TNFRSF9: variants seen among roughly 807,000 people sequenced by gnomAD.
TNFRSF9 encodes tumor necrosis factor receptor superfamily member 9.
A neutral mutation model predicts 28.8 loss-of-function variants in TNFRSF9; 16 were observed. The ratio of observed to expected loss-of-function variants is 0.55; its 90% CI spans 0.38 to 0.84. TNFRSF9 has a LOEUF of 0.84. Among genes scored for constraint, TNFRSF9 ranks in the 40% least tolerant of loss-of-function variants. The probability of loss-of-function intolerance (pLI) is 0.00; values close to 1 mark genes in which losing one functional copy is unlikely to be tolerated. For synonymous variants in TNFRSF9, 131 were observed against 117.0 expected, an observed-to-expected ratio of 1.12 and a Z score of -0.77; for missense variants, 303 against 315.0, an observed-to-expected ratio of 0.96 and a Z score of 0.29.
chr1:7,917,937 G>A lies in TNFRSF9; in HGVS notation c.*2898C>T, dbSNP rs1261391967. 1.4e-5 allele frequency: 2 copies of A among 143,624 alleles called. No individual in the cohort carries two copies. The highest frequency in any genetic ancestry group is 3.0e-5 in the Non-Finnish European group (2 of 66,670). 8.9% of individuals were successfully genotyped at this position (143,624 alleles called of 1,614,324 possible). On this transcript the variant is annotated 3_prime_UTR_variant, in exon 8 of 8. Transcript: ENST00000377507. ...AATTTTATAAAAAATTTTAAAAAGGGAAAAATAAATTACAAAGGATATATA... is the reference window on the plus strand; with the variant it reads ...AATTTTATAAAAAATTTTAAAAAGGAAAAAATAAATTACAAAGGATATATA...
Position 7,933,221 on chromosome 1 carries a change from G to T in TNFRSF9, c.620C>A (p.Thr207Lys), listed in dbSNP as rs555723076. ...CCGTTTAACAACAGAGAAACGGAGC[G>T]TGAGGAAGAACAGCAGGAAGAGCAA... is the stretch of plus-strand genomic sequence containing the variant. ...TALLFLLFFL[T>K]LRFSVVKRGR... The change falls in exon 7 of 8, where the codon ACG (threonine) becomes AAG (lysine). Residue 207 changes from threonine to lysine, a missense_variant. Transcript: ENST00000377507. 6.2e-7 allele frequency: 1 copy of T among 1,613,974 alleles called. No individual in the cohort carries two copies. Among genetic ancestry groups the T allele is most frequent in the South Asian group, 1.1e-5 (1 of 91,078 alleles).
intron 7 of TNFRSF9, among the ~76,000 whole-genome samples, chr1:7,924,306 T>C (rs4010115): frequency 9.1e-5 from 2 of 21,934 alleles, no homozygotes; most frequent in African/African-American, 1.6e-4. Flanking sequence ...TATATATATA[T>C]ATATATATAT....
chr1:7,924,968 G>A (rs1440977585), intron 7 of TNFRSF9, among the ~76,000 whole-genome samples: 1 of 152,172 alleles, frequency 6.6e-6, no homozygotes, highest in Non-Finnish European at 1.5e-5. Context: ...ATGTGCTTGT[G>A]TTTTAAGCTA....
In TNFRSF9 at chr1:7,927,440, CT is replaced by C. The variant is rs527504200; in HGVS notation, c.679+5721del. Among the ~76,000 whole-genome samples, 596 of 152,272 alleles carry C rather than the reference CT, an allele frequency of 3.9e-3. 2 individuals carry two copies. The highest frequency in any genetic ancestry group is 6.6e-3 in the Non-Finnish European group (449 of 68,024). ...TTGTCCACTAGAGGCAAGGTGCCCC[CT>C]GACCCCTTCTTCCAAATATACTCTT... On this transcript the variant is annotated intron_variant, in intron 7 of 7. Coordinates refer to ENST00000377507, the MANE Select transcript of TNFRSF9 (RefSeq NM_001561.6).
chr1:7,929,818 A>G (rs1256439008), intron 7 of TNFRSF9, among the ~76,000 whole-genome samples: 1 of 152,188 alleles, frequency 6.6e-6, no homozygotes, highest in Non-Finnish European at 1.5e-5. Flanking sequence ...ACAACTACAC[A>G]CGCACACTGT....
intron 5 of TNFRSF9, among the ~76,000 whole-genome samples, chr1:7,937,029 C>G (rs574713656): frequency 6.6e-6 from 1 of 152,150 alleles, no homozygotes; most frequent in Non-Finnish European, 1.5e-5. Flanking sequence ...TGGAGGGTAA[C>G]GAGCAATTGT....
Position 7,917,979 on chromosome 1 carries a change from T to TATATAG in TNFRSF9, c.*2855_*2856insCTATAT, listed in dbSNP as rs370720177. Reference sequence around the variant, plus strand: ...GGATATATATATATATATATATAGATATAGATAGATAGATAGATAGATAGG... The same window carrying TATATAG: ...GGATATATATATATATATATATAGATATATAGATAGATAGATAGATAGATAGATAGG... On this transcript the variant is annotated 3_prime_UTR_variant, in exon 8 of 8. Transcript: ENST00000377507. 2.3e-3 allele frequency: 301 copies of TATATAG among 130,996 alleles called. No individual in the cohort carries two copies. Among genetic ancestry groups the TATATAG allele is most frequent in the African/African-American group, 7.8e-3 (261 of 33,584 alleles). The allele number at this position is 130,996 out of a possible 1,614,324, so 8.1% of individuals were successfully genotyped here.
intron 7 of TNFRSF9, among the ~76,000 whole-genome samples, chr1:7,922,789 G>A (rs1452091584): frequency 6.6e-6 from 1 of 151,454 alleles, no homozygotes; most frequent in African/African-American, 2.4e-5. Context: ...TCCAGCCTGG[G>A]CAACAGAGCA....
chr1:7,936,982 T>A (rs145317312), intron 5 of TNFRSF9, among the ~76,000 whole-genome samples: 1 of 152,220 alleles, frequency 6.6e-6, no homozygotes, highest in Non-Finnish European at 1.5e-5. Context: ...TTTTACCACC[T>A]GTGATGGCCT....
At position 7,919,000 on chromosome 1, in the gene TNFRSF9, A is replaced by T. The variant is rs533366334; in HGVS notation, c.*1835T>A. On this transcript the variant is annotated 3_prime_UTR_variant, in exon 8 of 8. Coordinates refer to ENST00000377507, the MANE Select transcript of TNFRSF9 (RefSeq NM_001561.6). ...ATCTTCTCCTCACCCCTATTTACAG[A>T]ATATACTTTTCTGCCCTATTGATGC... The T allele has an allele frequency of 2.6e-5, 4 of 152,242 alleles. No homozygotes were observed. The East Asian group carries it at 7.7e-4, about 29-fold the overall frequency. The allele number at this position is 152,242 out of a possible 1,614,324, so 9.4% of individuals were successfully genotyped here. A position where few individuals can be genotyped will look rare whatever the true frequency, so the allele number is the denominator to read the frequency against.
chr1:7,921,565 A>G (rs1289448731), intron 7 of TNFRSF9, among the ~76,000 whole-genome samples: 2 of 151,550 alleles, frequency 1.3e-5, no homozygotes, highest in African/African-American at 4.9e-5. Flanking sequence ...GCTACTCGGG[A>G]GGCTGAGGCA....
chr1:7,935,539 CTG>C (rs1435078383), intron 5 of TNFRSF9, among the ~76,000 whole-genome samples: 1 of 152,188 alleles, frequency 6.6e-6, no homozygotes, highest in Non-Finnish European at 1.5e-5. Flanking sequence ...CAAGAAATCT[CTG>C]TAACCCCAGC....
chr1:7,917,204 T>G lies in TNFRSF9; in HGVS notation c.*3631A>C, dbSNP rs531219939. 4 of 152,280 alleles carry G rather than the reference T, an allele frequency of 2.6e-5. No individual in the cohort carries two copies. The highest frequency in any genetic ancestry group is 5.9e-5 in the Non-Finnish European group (4 of 68,106). 9.4% of individuals were successfully genotyped at this position (152,280 alleles called of 1,614,324 possible). On this transcript the variant is annotated 3_prime_UTR_variant, in exon 8 of 8. Coordinates refer to ENST00000377507, the MANE Select transcript of TNFRSF9 (RefSeq NM_001561.6). ...CGTCGGCCTCCCAAAGTGCTGGGAT[T>G]ACAGGCGTGAGCCACCGTGCCTGAC...
intron 5 of TNFRSF9, chr1:7,936,620 C>T (rs1343319515): frequency 6.6e-6 from 1 of 152,172 alleles, no homozygotes; most frequent in East Asian, 1.9e-4. Context: ...TTTCAAAACA[C>T]TTTATTTTCT....
intron 7 of TNFRSF9, among the ~76,000 whole-genome samples, chr1:7,930,177 A>C (rs903700224): frequency 6.6e-6 from 1 of 151,934 alleles, no homozygotes; most frequent in South Asian, 2.1e-4. Flanking sequence ...CACCATGGCC[A>C]GGCTGGTGTT....
chr1:7,935,564 G>A (rs1243094087), intron 5 of TNFRSF9, among the ~76,000 whole-genome samples: 3 of 152,162 alleles, frequency 2.0e-5, no homozygotes, highest in South Asian at 2.1e-4. Context: ...GGTGGCTCAC[G>A]CCTATAATCT....
In TNFRSF9 at chr1:7,916,718, T is replaced by C. The variant is rs1011159204; in HGVS notation, c.*4117A>G. On this transcript the variant is annotated 3_prime_UTR_variant, in exon 8 of 8. Coordinates refer to ENST00000377507, the MANE Select transcript of TNFRSF9 (RefSeq NM_001561.6). ...CCTGAAATGGCACCAGTATACTTCC[T>C]AAGCTTTGCTTTGCCTACTATTTGG... 5.3e-5 allele frequency: 8 copies of C among 152,232 alleles called. No homozygotes were observed. Among genetic ancestry groups the C allele is most frequent in the South Asian group, 4.1e-4 (2 of 4,838 alleles). The allele number at this position is 152,232 out of a possible 1,614,324, so 9.4% of individuals were successfully genotyped here.
intron 7 of TNFRSF9, chr1:7,921,967 C>T (rs1236224493): frequency 1.3e-5 from 2 of 152,148 alleles, no homozygotes; most frequent in African/African-American, 4.8e-5. Flanking sequence ...CGATGGTTTC[C>T]TTGGAATGCA....
rs1639879385 is a variant in TNFRSF9, at chr1:7,940,004, T to C, written c.-10A>G. The C allele has an allele frequency of 6.3e-7, 1 of 1,582,958 alleles. No homozygotes were observed. The highest frequency in any genetic ancestry group is 1.1e-5 in the South Asian group (1 of 89,094). On this transcript the variant is annotated 5_prime_UTR_variant, in exon 2 of 8. Coordinates refer to ENST00000377507, the MANE Select transcript of TNFRSF9 (RefSeq NM_001561.6). ...AACAGCTGTTTCCCATGATGAAATCTGGCACAGGTATGATACTAGCAAAGC... is the reference window on the plus strand; with the variant it reads ...AACAGCTGTTTCCCATGATGAAATCCGGCACAGGTATGATACTAGCAAAGC...
Sources: allele counts gnomAD v4.1 joint callset (sites outside exome capture counted in the v4.1 genomes callset), GRCh38; gene constraint gnomAD v4.1.1; transcripts MANE v1.5; gene names NCBI Gene and HGNC (gene_info 2026-07-23, HGNC 2026-07-21).